Variants in ITM2C observed in about 807,000 individuals in gnomAD.
The protein encoded by ITM2C is integral membrane protein 2C.
ITM2C carries 20 observed loss-of-function variants against 30.0 expected under a neutral mutation model. That is an observed-to-expected ratio of 0.67 (90% CI 0.47 to 0.97). The LOEUF (loss-of-function observed/expected upper bound fraction) is 0.97, where lower values mean the gene tolerates loss of function less well. ITM2C is among the 50% of genes least tolerant of loss of function. ITM2C has a pLI of 0.00. For missense variants in ITM2C, 366 were observed against 371.9 expected (o/e 0.98, Z 0.13); for synonymous variants, 167 against 156.4 (o/e 1.07, Z -0.51).
chr2:230,864,919 C>G, upstream of ITM2C: 1 of 1,236,940 alleles, frequency 8.1e-7, no homozygotes, highest in Non-Finnish European at 1.0e-6. This position sits in a 1 kb window ranked among gnomAD's most constrained non-coding sequence, Gnocchi z 4.3. Flanking sequence ...GAGAGGGACG[C>G]GAGCGGGATC....
intron 3 of ITM2C, 80 bp downstream of exon 3, chr2:230,875,888 A>G: frequency 4.1e-6 from 5 of 1,221,030 alleles, no homozygotes; most frequent in Non-Finnish European, 5.8e-6. Flanking sequence ...GGATGAAAGG[A>G]GACTCCTCGG....
At chr2:230,869,994 C>A (rs138140753) in intron 1 of ITM2C, among the ~76,000 whole-genome samples, 127 of 152,370 alleles carry the variant, frequency 8.3e-4, no homozygotes, top group African/African-American at 2.7e-3. Context: ...TGGGGAGCAA[C>A]ATTTTTCTGG....
intron 1 of ITM2C, among the ~76,000 whole-genome samples, chr2:230,872,397 A>T (rs532956521): frequency 2.0e-5 from 3 of 152,116 alleles, no homozygotes. Context: ...GACCAAGCTC[A>T]CCTGGCTGGC....
At chr2:230,864,368 C>T (rs1050718748), upstream of ITM2C, among the ~76,000 whole-genome samples, 29 of 152,152 alleles carry the variant, frequency 1.9e-4, no homozygotes, top group African/African-American at 6.3e-4. This position sits in a 1 kb window ranked among gnomAD's most constrained non-coding sequence, Gnocchi z 4.3. Context: ...AGAATGAAGG[C>T]AGAAGCAAGA....
chr2:230,873,449 G>C lies in ITM2C; in HGVS notation c.153G>C (p.Arg51Ser), dbSNP rs202093236. Residue 51 changes from arginine to serine, a missense_variant, in exon 2 of 6, where the codon AGG becomes AGC. Arg to Ser is a moderately radical substitution (Grantham distance 110). Transcript: ENST00000326427. ...EEQPPQHRSK[R>S]GGSVGGVCYL... is the part of the protein sequence containing the mutation. ...AGCCCCCACAACATCGATCCAAGAG[G>C]GGGGGCTCAGTGGGCGGCGTGTGCT... The C allele has an allele frequency of 1.3e-5, 21 of 1,606,562 alleles. No homozygotes were observed. The highest frequency in any genetic ancestry group is 8.0e-5 in the African/African-American group (6 of 74,720).
chr2:230,875,605 C>G lies in ITM2C; in HGVS notation c.262-15C>G, dbSNP rs112869373. On this transcript the variant is annotated splice_polypyrimidine_tract_variant and intron_variant, in intron 2 of 5. Coordinates refer to ENST00000326427, the MANE Select transcript of ITM2C (RefSeq NM_030926.6). ...AGCCTCTCTGACTGTCTGTCTGTCT[C>G]TCCGCCTTGCTCAGCTGGCCCGAGA... 7.5e-4 allele frequency: 1,189 copies of G among 1,584,342 alleles called. 9 individuals are homozygous for G. The African/African-American group carries it at 0.014, about 19-fold the overall frequency.
intron 2 of ITM2C, among the ~76,000 whole-genome samples, chr2:230,874,185 C>G (rs1310780194): frequency 1.3e-5 from 2 of 152,216 alleles, no homozygotes; most frequent in African/African-American, 4.8e-5. Context: ...CTCAGGGTGA[C>G]AAAGAGGTGG....
At chr2:230,868,556 A>G (rs772458357) in intron 1 of ITM2C, among the ~76,000 whole-genome samples, 44 of 151,930 alleles carry the variant, frequency 2.9e-4, no homozygotes, top group Non-Finnish European at 5.6e-4. Context: ...GGGGAGAAAA[A>G]CAAGTTAAAT....
At chr2:230,866,089 G>T (rs1697022319) in intron 1 of ITM2C, among the ~76,000 whole-genome samples, 2 of 152,168 alleles carry the variant, frequency 1.3e-5, no homozygotes, top group South Asian at 4.1e-4. Flanking sequence ...GGGCCCGCAG[G>T]GGGCAGAACG....
At chr2:230,876,472 C>T (rs947819854) in intron 3 of ITM2C, among the ~76,000 whole-genome samples, 3 of 151,990 alleles carry the variant, frequency 2.0e-5, no homozygotes, top group Admixed American at 6.5e-5. Flanking sequence ...GACTCCTGCC[C>T]CTGCTGGCCA....
rs760386716 is a variant in ITM2C at position 230,875,741 on chromosome 2, G to A, written c.383G>A (p.Arg128His). The change falls in exon 3 of 6, where the codon CGC becomes CAC. Residue 128 changes from arginine to histidine, a missense_variant. Transcript: ENST00000326427. ...ATCTACCTCGACGAGAACTACGAGC[G>A]CATCAACGTGCCTGTGCCCCAGTTT... ...VKIYLDENYE[R>H]INVPVPQFGG... The A allele has an allele frequency of 4.2e-5, 68 of 1,606,020 alleles. No homozygotes were observed. The highest frequency in any genetic ancestry group is 5.3e-5 in the Non-Finnish European group (62 of 1,175,614).
rs1689979159 is a variant in ITM2C at position 230,878,211 on chromosome 2, A to T, written c.*112A>T. 1.5e-6 allele frequency: 1 copy of T among 672,502 alleles called. No individual in the cohort carries two copies. The highest frequency in any genetic ancestry group is 3.3e-5 in the Admixed American group (1 of 30,348). 41.7% of individuals were successfully genotyped at this position (672,502 alleles called of 1,614,324 possible). A position where few individuals can be genotyped will look rare whatever the true frequency, so the allele number is the denominator to read the frequency against. ...TTGTACTTTGGACGCGTTTCTATAGAGGTGACATGTCTCTCCATTCCTCTC... is the reference window on the plus strand; with the variant it reads ...TTGTACTTTGGACGCGTTTCTATAGTGGTGACATGTCTCTCCATTCCTCTC... On this transcript the variant is annotated 3_prime_UTR_variant, in exon 6 of 6. Coordinates refer to ENST00000326427, the MANE Select transcript of ITM2C (RefSeq NM_030926.6). The surrounding 1 kb of genome is among the most constrained non-coding windows in gnomAD (Gnocchi z 4.5).
At chr2:230,870,888 CTG>C (rs1350633982) in intron 1 of ITM2C, among the ~76,000 whole-genome samples, 1 of 149,488 alleles carries the variant, frequency 6.7e-6, no homozygotes, top group African/African-American at 2.5e-5. Flanking sequence ...TTTCCCTTTT[CTG>C]TCTTTCTGGT....
rs1366089134 is a variant in ITM2C, at chr2:230,878,985, A to T, written c.*886A>T. On this transcript the variant is annotated 3_prime_UTR_variant, in exon 6 of 6. Coordinates refer to ENST00000326427, the MANE Select transcript of ITM2C (RefSeq NM_030926.6). The surrounding 1 kb of genome is among the most constrained non-coding windows in gnomAD (Gnocchi z 4.5). ...AGAGGGAAAGGGAGAGCCACCTGGT[A>T]CTTGTCCACCCTGCCTCCTCTGTTC... 6.6e-6 allele frequency: 1 copy of T among 152,622 alleles called. No homozygotes were observed. The highest frequency in any genetic ancestry group is 1.5e-5 in the Non-Finnish European group (1 of 68,036). The allele number at this position is 152,622 out of a possible 1,614,324, so 9.5% of individuals were successfully genotyped here. A position where few individuals can be genotyped will look rare whatever the true frequency, so the allele number is the denominator to read the frequency against.
chr2:230,866,721 C>T (rs1371555653), intron 1 of ITM2C, among the ~76,000 whole-genome samples: 1 of 152,152 alleles, frequency 6.6e-6, no homozygotes, highest in Non-Finnish European at 1.5e-5. Flanking sequence ...GGAAGCTGCC[C>T]TCCACTCAGC....
rs908533107 is a variant in ITM2C at position 230,877,835 on chromosome 2, A to G, written c.713-173A>G. Among the ~76,000 whole-genome samples, 1 of 152,228 alleles carries G rather than the reference A, an allele frequency of 6.6e-6. No individual in the cohort carries two copies. Among genetic ancestry groups the G allele is most frequent in the Admixed American group, 6.5e-5 (1 of 15,286 alleles). The stretch of plus-strand genomic sequence containing the variant: ...GTCACACAGCAGGGAGGTGGCAGAC[A>G]TGGGCAGGCTGACTCCAGCTTTCGA... On this transcript the variant is annotated intron_variant, in intron 5 of 5. Coordinates refer to ENST00000326427, the MANE Select transcript of ITM2C (RefSeq NM_030926.6). This position sits in a 1 kb window ranked among gnomAD's most constrained non-coding sequence, Gnocchi z 4.8.
chr2:230,872,175 G>A (rs72995296), intron 1 of ITM2C, among the ~76,000 whole-genome samples: 25,337 of 152,248 alleles, frequency 0.17, 2,722 homozygotes, highest in African/African-American at 0.31. Context: ...TCAGGCTCTG[G>A]GGCTGGATCC....
At position 230,878,228 on chromosome 2, in the gene ITM2C, A is replaced by T. The variant is rs1341447697; in HGVS notation, c.*129A>T. 1 of 567,834 alleles carries T rather than the reference A, an allele frequency of 1.8e-6. No homozygotes were observed. The highest frequency in any genetic ancestry group is 3.0e-6 in the Non-Finnish European group (1 of 337,600). 35.2% of individuals were successfully genotyped at this position (567,834 alleles called of 1,614,324 possible). On this transcript the variant is annotated 3_prime_UTR_variant, in exon 6 of 6. Transcript: ENST00000326427. This position sits in a 1 kb window ranked among gnomAD's most constrained non-coding sequence, Gnocchi z 4.5. ...TTCTATAGAGGTGACATGTCTCTCC[A>T]TTCCTCTCCAACCCTGCCCACCTCC...
rs1048879691 is a variant in ITM2C, at chr2:230,876,979, G to GT, written c.561+14dup. 4.5e-6 allele frequency: 7 copies of GT among 1,565,688 alleles called. No individual in the cohort carries two copies. The African/African-American group carries it at 8.1e-5, about 18-fold the overall frequency. On this transcript the variant is annotated intron_variant, in intron 4 of 5. Coordinates refer to ENST00000326427, the MANE Select transcript of ITM2C (RefSeq NM_030926.6). Reference sequence around the variant, plus strand: ...TCATGAACGTGAAGGTGCGCAGGGGGTTGGGGGGATGTCTGCAGCATCCTG... The same window carrying GT: ...TCATGAACGTGAAGGTGCGCAGGGGGTTTGGGGGGATGTCTGCAGCATCCTG...
Sources: gnomAD v4.1 joint callset for allele counts (sites outside exome capture counted in the v4.1 genomes callset) on GRCh38, gnomAD v4.1.1 for gene constraint, Gnocchi (gnomAD v3.1) non-coding constraint, MANE v1.5 for transcripts, NCBI Gene and HGNC (gene_info 2026-07-23, HGNC 2026-07-21) for gene names.